Variants in CNTN5 observed in about 807,000 individuals in gnomAD.
CNTN5 encodes contactin-5.
CNTN5 carries 77 observed loss-of-function variants against 129.1 expected under a neutral mutation model. That is an observed-to-expected ratio of 0.60 (90% CI 0.50 to 0.72). CNTN5 has a LOEUF of 0.72. Among genes scored for constraint, CNTN5 ranks in the 30% least tolerant of loss-of-function variants. The probability of loss-of-function intolerance (pLI) is 0.00; values close to 1 mark genes in which losing one functional copy is unlikely to be tolerated. For synonymous variants in CNTN5, 509 were observed against 465.6 expected (o/e 1.09, Z -1.20); for missense variants, 1,478 against 1,328.8 (o/e 1.11, Z -1.75).
intron 2 of CNTN5, among the ~76,000 whole-genome samples, chr11:99,439,712 A>AAG (rs1943745903): frequency 6.8e-6 from 1 of 147,532 alleles, no homozygotes; most frequent in South Asian, 2.2e-4. Flanking sequence ...TGTCTCAAAA[A>AAG]AAAAAAAAAA....
chr11:99,859,714 T>C (rs1948149318), intron 6 of CNTN5, among the ~76,000 whole-genome samples: 1 of 152,222 alleles, frequency 6.6e-6, no homozygotes, highest in African/African-American at 2.4e-5. Flanking sequence ...TATTCCATAG[T>C]ATATGTGTAC....
intron 2 of CNTN5, among the ~76,000 whole-genome samples, chr11:99,397,877 G>T (rs79985331): frequency 0.029 from 4,419 of 151,882 alleles, 203 homozygotes; most frequent in African/African-American, 0.1. Context: ...AAGGAATATT[G>T]TTGCTTTTAT....
intron 9 of CNTN5, among the ~76,000 whole-genome samples, chr11:100,031,824 T>A (rs779678902): frequency 2.0e-5 from 3 of 152,190 alleles, no homozygotes; most frequent in Non-Finnish European, 4.4e-5. Context: ...TATGACCATC[T>A]CACCTCATGA....
At chr11:99,642,457 T>G (rs1475480917) in intron 3 of CNTN5, among the ~76,000 whole-genome samples, 1 of 152,176 alleles carries the variant, frequency 6.6e-6, no homozygotes, top group African/African-American at 2.4e-5. Context: ...ATCTTTTTCA[T>G]TGTTTACTTT....
chr11:99,784,654 C>T (rs1351494260), intron 3 of CNTN5, among the ~76,000 whole-genome samples: 2 of 152,096 alleles, frequency 1.3e-5, no homozygotes, highest in African/African-American at 2.4e-5. Flanking sequence ...GCCACACTGT[C>T]TTCCGCAACG....
chr11:99,592,707 A>G (rs2135672301), intron 3 of CNTN5, among the ~76,000 whole-genome samples: 1 of 152,338 alleles, frequency 6.6e-6, no homozygotes, highest in East Asian at 1.9e-4. Flanking sequence ...TAAAATTAAT[A>G]TCATGTAAAT....
intron 4 of CNTN5, 88 bp from the exon 5 acceptor site, chr11:99,844,764 T>C (rs955975996): frequency 3.0e-6 from 4 of 1,311,630 alleles, no homozygotes; most frequent in Non-Finnish European, 4.2e-6. Context: ...AGCAAGAATT[T>C]TGAATATAAG....
intron 1 of CNTN5, among the ~76,000 whole-genome samples, chr11:99,213,851 T>A (rs1269685418): frequency 6.6e-6 from 1 of 152,184 alleles, no homozygotes; most frequent in Non-Finnish European, 1.5e-5. Flanking sequence ...TAATCCTAAA[T>A]ATTCTTTTGA....
chr11:99,923,373 A>G lies in CNTN5; in HGVS notation c.673+7224A>G, dbSNP rs541228475. ...TTTAGTAATTTTGAAATTGAGGGTT[A>G]TATTGTAAAGGAAGGCTTTGTGAAA... On this transcript the variant is annotated intron_variant, in intron 7 of 24. Transcript: ENST00000524871. 2.0e-3 allele frequency among the ~76,000 whole-genome samples: 297 copies of G among 152,300 alleles called. 1 individual carries two copies. Among genetic ancestry groups the G allele is most frequent in the Non-Finnish European group, 3.2e-3 (220 of 68,014 alleles).
intron 3 of CNTN5, among the ~76,000 whole-genome samples, chr11:99,669,972 A>G (rs1184831315): frequency 6.6e-6 from 1 of 152,150 alleles, no homozygotes; most frequent in Non-Finnish European, 1.5e-5. Flanking sequence ...ATTTAAGGAG[A>G]CATTTATTCT....
rs10633078 is a variant in CNTN5 at position 100,204,297 on chromosome 11, AATATATATATATATATATATATAT to A, written c.1884+10658_1884+10681del. Among the ~76,000 whole-genome samples, 17 of 17,656 alleles carry A rather than the reference AATATATATATATATATATATATAT, an allele frequency of 9.6e-4. 1 individual carries two copies. In the East Asian group the frequency reaches 9.9e-3, roughly 10 times the overall value. The allele number at this position is 17,656 out of a possible 152,430, so 11.6% of individuals were successfully genotyped here. A position where few individuals can be genotyped will look rare whatever the true frequency, so the allele number is the denominator to read the frequency against. ...GCTCACCAAGAAACAAACATTGACT[AATATATATATATATATATATATAT>A]ATATATATATATATATATATATAAT... On this transcript the variant is annotated intron_variant, in intron 15 of 24. Coordinates refer to ENST00000524871, the MANE Select transcript of CNTN5 (RefSeq NM_014361.4).
chr11:99,476,031 C>A (rs1417218000), intron 2 of CNTN5, among the ~76,000 whole-genome samples: 5 of 151,600 alleles, frequency 3.3e-5, no homozygotes, highest in Non-Finnish European at 7.4e-5. Context: ...GACAAACAGC[C>A]TCTAATATTT....
chr11:99,445,733 T>G (rs978977845), intron 2 of CNTN5, among the ~76,000 whole-genome samples: 1 of 152,150 alleles, frequency 6.6e-6, no homozygotes, highest in Non-Finnish European at 1.5e-5. Context: ...TTTTTATATT[T>G]CAGAGGACGT....
intron 2 of CNTN5, among the ~76,000 whole-genome samples, chr11:99,489,856 CAGAG>C (rs1270209900): frequency 6.6e-6 from 1 of 151,860 alleles, no homozygotes. Flanking sequence ...GAAAGACAGA[CAGAG>C]AGAGACAAAG....
chr11:100,187,937 G>T (rs1188410618), intron 13 of CNTN5, among the ~76,000 whole-genome samples: 1 of 152,130 alleles, frequency 6.6e-6, no homozygotes, highest in Non-Finnish European at 1.5e-5. Context: ...ACATTGACAA[G>T]TGTGACCTAA....
intron 8 of CNTN5, among the ~76,000 whole-genome samples, chr11:99,996,185 A>C (rs547350496): frequency 2.0e-5 from 3 of 151,962 alleles, no homozygotes; most frequent in Admixed American, 1.3e-4. Context: ...TTGCCAATTC[A>C]GTTATTAATT....
intron 18 of CNTN5, among the ~76,000 whole-genome samples, chr11:100,294,775 C>T (rs768633367): frequency 1.3e-5 from 2 of 151,538 alleles, no homozygotes; most frequent in Middle Eastern, 3.4e-3. Flanking sequence ...ATAAGCGCTC[C>T]GAAAGATTAA....
chr11:99,660,212 T>C (rs1202717827), intron 3 of CNTN5, among the ~76,000 whole-genome samples: 1 of 152,114 alleles, frequency 6.6e-6, no homozygotes, highest in African/African-American at 2.4e-5. Flanking sequence ...CAAAATAATC[T>C]TCATAAGTGA....
intron 1 of CNTN5, among the ~76,000 whole-genome samples, chr11:99,321,224 ACG>A (rs2135996860): frequency 7.2e-6 from 1 of 139,164 alleles, no homozygotes; most frequent in Non-Finnish European, 1.6e-5. Flanking sequence ...ACACACACAC[ACG>A]TGTGCACATA....
Sources: gnomAD v4.1 joint callset for allele counts (sites outside exome capture counted in the v4.1 genomes callset) on GRCh38, gnomAD v4.1.1 for gene constraint, MANE v1.5 for transcripts, NCBI Gene and HGNC (gene_info 2026-07-23, HGNC 2026-07-21) for gene names.